TLCD3B: variants seen among roughly 807,000 people sequenced by gnomAD.
TLCD3B encodes the protein TLC domain containing 3B, also known as ceramide synthase.
TLCD3B carries 9 observed loss-of-function variants against 23.0 expected under a neutral mutation model. The ratio of observed to expected loss-of-function variants is 0.39; its 90% CI spans 0.24 to 0.68. The LOEUF is 0.68. Among genes scored for constraint, TLCD3B ranks in the 30% least tolerant of loss-of-function variants. The pLI is 0.44. For missense variants in TLCD3B, 307 were observed against 371.8 expected (o/e 0.83, Z 1.43); for synonymous variants, 161 against 161.0 (o/e 1.00, Z 0.00).
Position 30,029,488 on chromosome 16 carries a change from C to A in TLCD3B, c.153G>T (p.Met51Ile). The A allele has an allele frequency of 6.2e-7, 1 of 1,613,994 alleles. No homozygotes were observed. Among genetic ancestry groups the A allele is most frequent in the Non-Finnish European group, 8.5e-7 (1 of 1,179,946 alleles). The change falls in exon 2 of 5, where the codon ATG (methionine) becomes ATT (isoleucine). Residue 51 changes from methionine (M) to isoleucine (I), a missense_variant. Transcript: ENST00000380495. This position sits in a 1 kb window ranked among gnomAD's most constrained non-coding sequence, Gnocchi z 4.6. ...AGACGATGTAGCCGGCAGTGGAGGCCATGATGGCCTGGACAGAGGACACCA... is the reference window on the plus strand; with the variant it reads ...AGACGATGTAGCCGGCAGTGGAGGCAATGATGGCCTGGACAGAGGACACCA... ...ARLVSSVQAIMASTAGYIVST... is the reference protein window; with the variant it reads ...ARLVSSVQAIIASTAGYIVST...
At chr16:30,039,107 T>TAA (rs2071532246) in intron 3 of TLCD3B, among the ~76,000 whole-genome samples, 1 of 116,102 alleles carries the variant, frequency 8.6e-6, no homozygotes, top group African/African-American at 3.3e-5. Flanking sequence ...TCCTCTCTTT[T>TAA]TTTTTTTTTT....
rs1488716581 is a variant in TLCD3B at position 30,030,552 on chromosome 16, G to A, written c.-25C>T. On this transcript the variant is annotated 5_prime_UTR_variant, in exon 1 of 5. Transcript: ENST00000380495. ...TGGTGGCTCAGGACTTGGGCAGGGA[G>A]GCAGGCGGGCCGTGAAGGGGCAGGG... 1.3e-6 allele frequency: 2 copies of A among 1,553,540 alleles called. No individual in the cohort carries two copies. The highest frequency in any genetic ancestry group is 8.7e-7 in the Non-Finnish European group (1 of 1,154,580).
rs1181478344 is a variant in TLCD3B at position 30,029,636 on chromosome 16, G to A, written c.126-121C>T. ...TCAGCCACTTCTCGGGCCAGTCCTTGCCTGCCTTCGCCCAAGGCTGGGCTG... is the reference window on the plus strand; with the variant it reads ...TCAGCCACTTCTCGGGCCAGTCCTTACCTGCCTTCGCCCAAGGCTGGGCTG... On this transcript the variant is annotated intron_variant, in intron 1 of 4. Coordinates refer to ENST00000380495, the MANE Select transcript of TLCD3B (RefSeq NM_031478.6). This position sits in a 1 kb window ranked among gnomAD's most constrained non-coding sequence, Gnocchi z 4.6. 1.2e-5 allele frequency: 10 copies of A among 834,216 alleles called. No homozygotes were observed. In the African/African-American group the frequency reaches 1.5e-4, roughly 13 times the overall value. 51.7% of individuals were successfully genotyped at this position (834,216 alleles called of 1,614,324 possible).
rs2071089561 is a variant in TLCD3B, at chr16:30,025,610, G to T, written c.540+116C>A. The T allele has an allele frequency of 6.8e-7, 1 of 1,464,302 alleles. No individual in the cohort carries two copies. The highest frequency in any genetic ancestry group is 9.6e-7 in the Non-Finnish European group (1 of 1,047,000). The allele number at this position is 1,464,302 out of a possible 1,614,324, so 90.7% of individuals were successfully genotyped here. Reference sequence around the variant, plus strand: ...GACACAAGCACCAGGTGCTCAAAATGCACGGGGTGAGGGGGGGATGACGAA... The same window carrying T: ...GACACAAGCACCAGGTGCTCAAAATTCACGGGGTGAGGGGGGGATGACGAA... On this transcript the variant is annotated intron_variant, in intron 4 of 4. Transcript: ENST00000380495. This position sits in a 1 kb window ranked among gnomAD's most constrained non-coding sequence, Gnocchi z 4.1.
rs768877960 is a variant in TLCD3B, at chr16:30,026,597, C to T, written c.444+12G>A. 1 of 1,611,204 alleles carries T rather than the reference C, an allele frequency of 6.2e-7. No individual in the cohort carries two copies. The highest frequency in any genetic ancestry group is 1.3e-5 in the African/African-American group (1 of 74,860). Reference sequence around the variant, plus strand: ...CACCCGCACCCCGCCCGCCCAGCTCCCCGGGACTCACCACTGAGAGTGGGA... The same window carrying T: ...CACCCGCACCCCGCCCGCCCAGCTCTCCGGGACTCACCACTGAGAGTGGGA... On this transcript the variant is annotated intron_variant, in intron 3 of 4. Transcript: ENST00000380495.
Position 30,030,719 on chromosome 16 carries a change from G to C in TLCD3B, c.-192C>G. On this transcript the variant is annotated 5_prime_UTR_variant, in exon 1 of 5. Transcript: ENST00000380495. ...CCGATGAAACTGGGGAGTCGGGAGG[G>C]GGCTGGCTGGGCAGAGACGGGGGAG... 1 of 1,219,034 alleles carries C rather than the reference G, an allele frequency of 8.2e-7. No individual in the cohort carries two copies. The highest frequency in any genetic ancestry group is 1.6e-5 in the African/African-American group (1 of 61,832). The allele number at this position is 1,219,034 out of a possible 1,614,324, so 75.5% of individuals were successfully genotyped here. A position where few individuals can be genotyped will look rare whatever the true frequency, so the allele number is the denominator to read the frequency against.
chr16:30,031,174 T>C lies in TLCD3B; in HGVS notation c.-647A>G, dbSNP rs2071347953. ...TGGGGAGGGGGAGGGGGAGGGGAAG[T>C]GGCCAGCTTGGGGAGGACGGGGGAG... On this transcript the variant is annotated 5_prime_UTR_variant, in exon 1 of 5. Transcript: ENST00000380495. 1 of 138,812 alleles carries C rather than the reference T, an allele frequency of 7.2e-6. No homozygotes were observed. The highest frequency in any genetic ancestry group is 2.7e-5 in the African/African-American group (1 of 36,626). The allele number at this position is 138,812 out of a possible 1,614,324, so 8.6% of individuals were successfully genotyped here. A position where few individuals can be genotyped will look rare whatever the true frequency, so the allele number is the denominator to read the frequency against.
Position 30,025,166 on chromosome 16 carries a change from G to A in TLCD3B, c.*17C>T. ...CGGGGGTGGGGGTGGGGAGGGGGAG[G>A]GTCCCGGCCCCCGGCCTCAGTCCTG... On this transcript the variant is annotated 3_prime_UTR_variant, in exon 5 of 5. Coordinates refer to ENST00000380495, the MANE Select transcript of TLCD3B (RefSeq NM_031478.6). This position sits in a 1 kb window ranked among gnomAD's most constrained non-coding sequence, Gnocchi z 4.1. 1 of 1,419,898 alleles carries A rather than the reference G, an allele frequency of 7.0e-7. No individual in the cohort carries two copies. The highest frequency in any genetic ancestry group is 9.2e-7 in the Non-Finnish European group (1 of 1,083,914). 88.0% of individuals were successfully genotyped at this position (1,419,898 alleles called of 1,614,324 possible). A position where few individuals can be genotyped will look rare whatever the true frequency, so the allele number is the denominator to read the frequency against.
intron 2 of TLCD3B, among the ~76,000 whole-genome samples, chr16:30,045,794 T>C (rs116769566): frequency 6.6e-6 from 1 of 150,708 alleles, no homozygotes; most frequent in Non-Finnish European, 1.5e-5. Flanking sequence ...CAAGATGGGA[T>C]GCACCACATA....
Position 30,025,681 on chromosome 16 carries a change from T to A in TLCD3B, c.540+45A>T. On this transcript the variant is annotated intron_variant, in intron 4 of 4. Transcript: ENST00000380495. This position sits in a 1 kb window ranked among gnomAD's most constrained non-coding sequence, Gnocchi z 4.1. ...CAACCTTGAAGGTCCCTCCCCTTCC[T>A]GTGACCTCCCCATTGGGCTCCTGCA... The A allele has an allele frequency of 6.3e-7, 1 of 1,589,062 alleles. No homozygotes were observed.
At chr16:30,046,099 G>C (rs1361356115) in intron 2 of TLCD3B, among the ~76,000 whole-genome samples, 1 of 152,070 alleles carries the variant, frequency 6.6e-6, no homozygotes, top group Non-Finnish European at 1.5e-5. Flanking sequence ...GACAGAGGGA[G>C]ACCCTGTCTC....
intron 2 of TLCD3B, among the ~76,000 whole-genome samples, chr16:30,028,231 C>T (rs77906260): frequency 2.8e-4 from 43 of 152,298 alleles, no homozygotes; most frequent in African/African-American, 1.0e-3. Flanking sequence ...AGGCCCTGGG[C>T]TGTCATGTGA....
At chr16:30,045,872 G>A (rs1191992472) in intron 2 of TLCD3B, among the ~76,000 whole-genome samples, 1 of 152,082 alleles carries the variant, frequency 6.6e-6, no homozygotes, top group Admixed American at 6.6e-5. Context: ...AGACACACCA[G>A]CCTGTCCTGG....
At position 30,040,147 on chromosome 16, in the gene TLCD3B, A is replaced by AAAAAAT; in HGVS notation, c.-67+847_-67+848insATTTTT. ...AGACTTTGTCTCAAAAAAAAAAAAA[A>AAAAAAT]ATATATATATATATATATATATATG... On this transcript the variant is annotated intron_variant, in intron 3 of 6. Transcript: ENST00000561666. 2.8e-3 allele frequency among the ~76,000 whole-genome samples: 269 copies of AAAAAAT among 95,892 alleles called. 1 individual carries two copies. The highest frequency in any genetic ancestry group is 0.012 in the East Asian group (50 of 4,220). 62.9% of individuals were successfully genotyped at this position (95,892 alleles called of 152,430 possible).
At chr16:30,035,689 C>T (rs1173750763), upstream of TLCD3B, among the ~76,000 whole-genome samples, 1 of 152,106 alleles carries the variant, frequency 6.6e-6, no homozygotes, top group East Asian at 1.9e-4. Flanking sequence ...GGCAATTCGA[C>T]ATCCTAATTA....
intron 2 of TLCD3B, among the ~76,000 whole-genome samples, chr16:30,042,775 G>T (rs766368936): frequency 6.6e-6 from 1 of 151,960 alleles, no homozygotes; most frequent in Non-Finnish European, 1.5e-5. Context: ...TGTTATTGTT[G>T]TTGTTGTTTT....
At chr16:30,027,398 G>A (rs1234759749) in intron 2 of TLCD3B, among the ~76,000 whole-genome samples, 1 of 152,204 alleles carries the variant, frequency 6.6e-6, no homozygotes, top group Non-Finnish European at 1.5e-5. Flanking sequence ...AGGTGAAGAA[G>A]TGAGTCACAG....
chr16:30,046,374 C>A (rs1040144678), exon 2 of TLCD3B: 1 of 152,264 alleles, frequency 6.6e-6, no homozygotes, highest in Non-Finnish European at 1.5e-5. Context: ...CACTCATCCT[C>A]TCCACCGGGT....
Position 30,030,504 on chromosome 16 carries a change from C to T in TLCD3B, c.24G>A (p.Gly8=), listed in dbSNP as rs572897226. The part of the protein sequence containing the change: MLTPMVA[G]GVVFPGLFLL... ...GGAAGAGTCCGGGGAACACCACCCC[C>T]CCGGCCACCATCGGGGTCAGCATGG... Residue 8 remains glycine (G), a synonymous_variant, in exon 1 of 5, where the codon GGG becomes GGA. Coordinates refer to ENST00000380495, the MANE Select transcript of TLCD3B (RefSeq NM_031478.6). 1.1e-5 allele frequency: 17 copies of T among 1,594,144 alleles called. No individual in the cohort carries two copies. Among genetic ancestry groups the T allele is most frequent in the African/African-American group, 2.7e-5 (2 of 73,954 alleles).
Sources: allele counts gnomAD v4.1 joint callset (sites outside exome capture counted in the v4.1 genomes callset), GRCh38; gene constraint gnomAD v4.1.1; non-coding constraint Gnocchi (gnomAD v3.1); transcripts MANE v1.5; gene names NCBI Gene and HGNC (gene_info 2026-07-23, HGNC 2026-07-21).